SMAD2: variants seen among roughly 807,000 people sequenced by gnomAD.
The protein encoded by SMAD2 is MAD homolog 2.
SMAD2 carries 8 observed loss-of-function variants against 64.4 expected under a neutral mutation model. The ratio of observed to expected loss-of-function variants is 0.12; its 90% confidence interval spans 0.07 to 0.22. The LOEUF is 0.22. SMAD2 is among the 10% of genes least tolerant of loss of function. The pLI, the probability that SMAD2 is intolerant of heterozygous loss-of-function variation, is 1.00. For synonymous variants in SMAD2, 203 were observed against 195.8 expected (o/e 1.04, Z -0.31); for missense variants, 289 against 561.2 (o/e 0.51, Z 4.90).
At chr18:47,846,711 C>T (rs1260862915) in intron 8 of SMAD2, among the ~76,000 whole-genome samples, 1 of 152,052 alleles carries the variant, frequency 6.6e-6, no homozygotes, top group African/African-American at 2.4e-5. Flanking sequence ...TAGAAGAGGA[C>T]CTCAAGCTCC....
rs564239294 is a variant in SMAD2 at position 47,819,946 on chromosome 18, T to C, written c.*21881A>G. 6.6e-6 allele frequency: 1 copy of C among 152,146 alleles called. No homozygotes were observed. Among genetic ancestry groups the C allele is most frequent in the Non-Finnish European group, 1.5e-5 (1 of 67,982 alleles). The allele number at this position is 152,146 out of a possible 1,614,324, so 9.4% of individuals were successfully genotyped here. On this transcript the variant is annotated 3_prime_UTR_variant, in exon 11 of 11. Coordinates refer to ENST00000262160, the MANE Select transcript of SMAD2 (RefSeq NM_005901.6). Reference sequence around the variant, plus strand: ...TGAGTTGGAGTTTGAGGCTGCAGTGTGCTACAATTGTGCCTGTGAACAGCC... The same window carrying C: ...TGAGTTGGAGTTTGAGGCTGCAGTGCGCTACAATTGTGCCTGTGAACAGCC...
At chr18:47,850,234 A>G (rs1915016774) in intron 7 of SMAD2, among the ~76,000 whole-genome samples, 2 of 54,196 alleles carry the variant, frequency 3.7e-5, no homozygotes, top group South Asian at 6.3e-4. Context: ...AATATATATT[A>G]TATATTATAT....
rs372573578 is a variant in SMAD2, at chr18:47,840,937, G to A, written c.*890C>T. ...TAGATTATACAAGCCAATTATTCCTGTTGAAATTTGGGCATAAGACAAAGG... is the reference window on the plus strand; with the variant it reads ...TAGATTATACAAGCCAATTATTCCTATTGAAATTTGGGCATAAGACAAAGG... On this transcript the variant is annotated 3_prime_UTR_variant, in exon 11 of 11. Transcript: ENST00000262160. The A allele has an allele frequency of 7.3e-5, 17 of 232,414 alleles. No individual in the cohort carries two copies. Among genetic ancestry groups the A allele is most frequent in the African/African-American group, 3.5e-4 (16 of 45,382 alleles). The allele number at this position is 232,414 out of a possible 1,614,324, so 14.4% of individuals were successfully genotyped here.
intron 2 of SMAD2, among the ~76,000 whole-genome samples, chr18:47,875,510 A>G (rs1201370771): frequency 1.3e-5 from 2 of 152,214 alleles, no homozygotes; most frequent in South Asian, 2.1e-4. Context: ...AGTGTAAGTT[A>G]TAACTTCTAG....
rs745392859 is a variant in SMAD2, at chr18:47,812,325, T to C, written c.*29502A>G. The C allele has an allele frequency of 6.6e-6, 1 of 152,184 alleles. No homozygotes were observed. Among genetic ancestry groups the C allele is most frequent in the Non-Finnish European group, 1.5e-5 (1 of 68,052 alleles). The allele number at this position is 152,184 out of a possible 1,614,324, so 9.4% of individuals were successfully genotyped here. A position where few individuals can be genotyped will look rare whatever the true frequency, so the allele number is the denominator to read the frequency against. The stretch of plus-strand genomic sequence containing the variant: ...CTCCCCCTTCACCTTCTGCCATAAT[T>C]GTGAGGCCTCCCCAGCCATGTAAAA... On this transcript the variant is annotated 3_prime_UTR_variant, in exon 11 of 11. Coordinates refer to ENST00000262160, the MANE Select transcript of SMAD2 (RefSeq NM_005901.6).
Position 47,839,727 on chromosome 18 carries a change from T to C in SMAD2, c.*2100A>G. ...TTGGATTTGTATAGAGGTTTCTGTA[T>C]AAAGCATTAATACCTAATCAGGAGT... On this transcript the variant is annotated 3_prime_UTR_variant, in exon 11 of 11. Transcript: ENST00000262160. The C allele has an allele frequency of 4.3e-6, 1 of 233,384 alleles. No individual in the cohort carries two copies. The highest frequency in any genetic ancestry group is 8.5e-6 in the Non-Finnish European group (1 of 118,036). The allele number at this position is 233,384 out of a possible 1,614,324, so 14.5% of individuals were successfully genotyped here.
Position 47,826,101 on chromosome 18 carries a change from A to G in SMAD2, c.*15726T>C, listed in dbSNP as rs1339319721. 6.6e-6 allele frequency: 1 copy of G among 152,182 alleles called. No individual in the cohort carries two copies. The highest frequency in any genetic ancestry group is 1.5e-5 in the Non-Finnish European group (1 of 68,042). The allele number at this position is 152,182 out of a possible 1,614,324, so 9.4% of individuals were successfully genotyped here. ...TGGCCAGGAGCAACCACAATGATTA[A>G]CCTTTAGATAGAAAACACAATCCTT... On this transcript the variant is annotated 3_prime_UTR_variant, in exon 11 of 11. Transcript: ENST00000262160.
At chr18:47,865,209 C>G (rs936933301) in intron 5 of SMAD2, 76 bp from the exon 6 acceptor site, 33 of 779,868 alleles carry the variant, frequency 4.2e-5, no homozygotes, top group Non-Finnish European at 7.5e-5. Flanking sequence ...CCAGAGATAA[C>G]CAATGAATCA....
At chr18:47,892,198 ATTTT>A (rs35136920) in intron 2 of SMAD2, among the ~76,000 whole-genome samples, 1 of 142,336 alleles carries the variant, frequency 7.0e-6, no homozygotes, top group Non-Finnish European at 1.5e-5. Flanking sequence ...TTACCTAGAC[ATTTT>A]TTTTTTTTTT....
At position 47,840,321 on chromosome 18, in the gene SMAD2, A is replaced by G. The variant is rs1265573559; in HGVS notation, c.*1506T>C. 1.7e-5 allele frequency: 4 copies of G among 232,826 alleles called. No individual in the cohort carries two copies. Among genetic ancestry groups the G allele is most frequent in the Non-Finnish European group, 3.4e-5 (4 of 117,870 alleles). 14.4% of individuals were successfully genotyped at this position (232,826 alleles called of 1,614,324 possible). On this transcript the variant is annotated 3_prime_UTR_variant, in exon 11 of 11. Transcript: ENST00000262160. ...TTATTTTCCATTTCTACTAAGATGC[A>G]AACAAGAAGAAATGTTTAAACTGCA... is the stretch of plus-strand genomic sequence containing the variant.
At chr18:47,864,460 G>C (rs902745306) in intron 6 of SMAD2, among the ~76,000 whole-genome samples, 2 of 152,174 alleles carry the variant, frequency 1.3e-5, no homozygotes, top group African/African-American at 4.8e-5. Context: ...CAGGTAAAAT[G>C]AATCAAACTG....
In SMAD2 at chr18:47,857,079, G is replaced by T. The variant is rs544225490; in HGVS notation, c.731-5752C>A. Among the ~76,000 whole-genome samples, 10 of 151,986 alleles carry T rather than the reference G, an allele frequency of 6.6e-5. No homozygotes were observed. In the East Asian group the frequency reaches 1.7e-3, roughly 26 times the overall value. On this transcript the variant is annotated intron_variant, in intron 6 of 10. Transcript: ENST00000262160. ...TCACCGTTTTAGCCGGGATGGTCTCGATCTCCTGACCTCGTGATCCGCCCG... is the reference window on the plus strand; with the variant it reads ...TCACCGTTTTAGCCGGGATGGTCTCTATCTCCTGACCTCGTGATCCGCCCG...
chr18:47,839,642 T>C lies in SMAD2; in HGVS notation c.*2185A>G, dbSNP rs79159728. On this transcript the variant is annotated 3_prime_UTR_variant, in exon 11 of 11. Transcript: ENST00000262160. ...AGTGAGAATCACATGAAGCAGACTA[T>C]CACAAAATAAGGCCACCTTCAAAAT... The C allele has an allele frequency of 2.0e-4, 46 of 233,400 alleles. No individual in the cohort carries two copies. The East Asian group carries it at 2.7e-3, about 14-fold the overall frequency. The allele number at this position is 233,400 out of a possible 1,614,324, so 14.5% of individuals were successfully genotyped here.
intron 1 of SMAD2, among the ~76,000 whole-genome samples, chr18:47,902,306 T>C (rs931301913): frequency 6.6e-6 from 1 of 152,226 alleles, no homozygotes; most frequent in Non-Finnish European, 1.5e-5. Flanking sequence ...TCGCTAAATA[T>C]ATAAATTTTG....
rs1220285331 is a variant in SMAD2, at chr18:47,845,380, T to C, written c.1240A>G (p.Ile414Val). The C allele has an allele frequency of 1.2e-6, 2 of 1,613,976 alleles. No homozygotes were observed. The highest frequency in any genetic ancestry group is 8.5e-7 in the Non-Finnish European group (1 of 1,179,888). Residue 414 changes from isoleucine to valine, a missense_variant, in exon 10 of 11, where the codon ATA (isoleucine) becomes GTA (valine). Physicochemically the swap from Ile to Val is conservative, Grantham distance 29. This residue lies in a region of SMAD2 where 20 missense variants were observed against 82.8 expected (regional missense o/e 0.24). Transcript: ENST00000262160. Reference protein sequence around the residue: ...AVYQLTRMCTIRMSFVKGWGA... With the variant: ...AVYQLTRMCTVRMSFVKGWGA... The stretch of plus-strand genomic sequence containing the variant: ...CACCCTTTCACAAAACTCATTCTTA[T>C]GGTGCACATTCTAGTTAGCTGATAG...
chr18:47,832,900 G>A lies in SMAD2; in HGVS notation c.*8927C>T, dbSNP rs1221064468. On this transcript the variant is annotated 3_prime_UTR_variant, in exon 11 of 11. Coordinates refer to ENST00000262160, the MANE Select transcript of SMAD2 (RefSeq NM_005901.6). ...GTAGTATAAATTTATCTCCCGGGGG[G>A]ATAGGATAATCTTTTATGTAACACC... The A allele has an allele frequency of 1.9e-5, 3 of 156,814 alleles. No homozygotes were observed. The South Asian group carries it at 6.2e-4, about 32-fold the overall frequency. The allele number at this position is 156,814 out of a possible 1,614,324, so 9.7% of individuals were successfully genotyped here. A position where few individuals can be genotyped will look rare whatever the true frequency, so the allele number is the denominator to read the frequency against.
intron 5 of SMAD2, 23 bp downstream of exon 5, chr18:47,868,300 G>A (rs755045447): frequency 2.5e-6 from 4 of 1,602,946 alleles, no homozygotes; most frequent in Non-Finnish European, 3.4e-6. Context: ...CCAAGTTTTA[G>A]GAGATTCAGA....
intron 2 of SMAD2, among the ~76,000 whole-genome samples, chr18:47,884,229 T>C (rs1342420629): frequency 6.6e-6 from 1 of 152,202 alleles, no homozygotes; most frequent in African/African-American, 2.4e-5. Flanking sequence ...TCAAATTTTA[T>C]ATATAAAATC....
intron 6 of SMAD2, among the ~76,000 whole-genome samples, chr18:47,861,248 C>T (rs2031165005): frequency 6.6e-6 from 1 of 152,016 alleles, no homozygotes; most frequent in Non-Finnish European, 1.5e-5. Flanking sequence ...CCCAGCTACT[C>T]AGGAGGTTCA....
Sources: allele counts gnomAD v4.1 joint callset (sites outside exome capture counted in the v4.1 genomes callset), GRCh38; gene constraint gnomAD v4.1.1; regional missense constraint gnomAD v4.1.1; transcripts MANE v1.5; gene names NCBI Gene and HGNC (gene_info 2026-07-23, HGNC 2026-07-21).